The following ROBO2 variants were observed in gnomAD, a reference collection of about 807,000 sequenced individuals.
The protein encoded by ROBO2 is roundabout guidance receptor 2, also known as roundabout homolog 2.
ROBO2 carries 53 observed loss-of-function variants against 160.8 expected under a neutral mutation model. The ratio of observed to expected loss-of-function variants is 0.33; its 90% CI spans 0.26 to 0.41. The LOEUF (loss-of-function observed/expected upper bound fraction) is 0.41. ROBO2 is among the 10% of genes least tolerant of loss of function. ROBO2 has a pLI of 1.00. For missense variants in ROBO2, 1,577 were observed against 1,722.4 expected (o/e 0.92, Z 1.49); for synonymous variants, 664 against 611.7 (o/e 1.09, Z -1.26).
chr3:77,425,565 G>A (rs2078113857), intron 2 of ROBO2, among the ~76,000 whole-genome samples: 1 of 152,088 alleles, frequency 6.6e-6, no homozygotes, highest in Non-Finnish European at 1.5e-5. Context: ...GAGAGGAACT[G>A]GGAAGGAGTG....
chr3:77,456,060 T>C (rs2081605093), intron 2 of ROBO2, among the ~76,000 whole-genome samples: 1 of 152,218 alleles, frequency 6.6e-6, no homozygotes, highest in South Asian at 2.1e-4. Flanking sequence ...TTGTCAGTGC[T>C]CATATGTAAC....
intron 2 of ROBO2, among the ~76,000 whole-genome samples, chr3:75,941,846 T>C (rs1484019422): frequency 5.3e-5 from 8 of 152,166 alleles, no homozygotes; most frequent in Non-Finnish European, 7.4e-5. Flanking sequence ...CCTGGAATCA[T>C]TACAAGTAAT....
intron 21 of ROBO2, among the ~76,000 whole-genome samples, chr3:77,615,530 A>G (rs1366559225): frequency 6.6e-6 from 1 of 152,178 alleles, no homozygotes. Context: ...GAAACTACTC[A>G]TCTTTTTCCT....
chr3:77,517,637 C>T (rs1419007815), intron 5 of ROBO2, among the ~76,000 whole-genome samples: 1 of 151,450 alleles, frequency 6.6e-6, no homozygotes, highest in Admixed American at 6.6e-5. Context: ...TTTGTACTTT[C>T]TCTTTGTGGC....
intron 1 of ROBO2, among the ~76,000 whole-genome samples, chr3:77,070,371 A>C (rs1027255523): frequency 6.6e-6 from 1 of 152,028 alleles, no homozygotes. Context: ...GTATAACTCT[A>C]TCTCCATCTT....
chr3:77,235,853 A>G (rs965935781), intron 2 of ROBO2, among the ~76,000 whole-genome samples: 1 of 152,226 alleles, frequency 6.6e-6, no homozygotes, highest in African/African-American at 2.4e-5. Flanking sequence ...CTAGACATAC[A>G]TAGGCCCCCT....
chr3:77,309,020 G>A (rs1344910448), intron 2 of ROBO2, among the ~76,000 whole-genome samples: 1 of 150,778 alleles, frequency 6.6e-6, no homozygotes, highest in East Asian at 2.0e-4. Context: ...ACTAATGATG[G>A]GCATAGGTAC....
intron 2 of ROBO2, among the ~76,000 whole-genome samples, chr3:76,927,621 A>C (rs2149032475): frequency 6.6e-6 from 1 of 152,338 alleles, no homozygotes; most frequent in African/African-American, 2.4e-5. Flanking sequence ...AAACCTTTTC[A>C]ACTTGGCCAA....
chr3:76,950,485 G>A (rs2078891258), intron 2 of ROBO2, among the ~76,000 whole-genome samples: 1 of 151,994 alleles, frequency 6.6e-6, no homozygotes, highest in Admixed American at 6.6e-5. Context: ...CTTATTTCCA[G>A]TCAATTATAT....
intron 2 of ROBO2, among the ~76,000 whole-genome samples, chr3:76,749,874 A>G (rs1478319650): frequency 1.3e-5 from 2 of 152,116 alleles, no homozygotes; most frequent in Non-Finnish European, 2.9e-5. Context: ...AGGTGCAAAG[A>G]GGAGCTGGTA....
At chr3:77,263,511 T>C (rs2058914043) in intron 2 of ROBO2, among the ~76,000 whole-genome samples, 1 of 152,154 alleles carries the variant, frequency 6.6e-6, no homozygotes, top group Non-Finnish European at 1.5e-5. Context: ...TGGTATTTGG[T>C]TTTCTGTTCC....
chr3:76,599,637 A>T (rs1428232987), intron 2 of ROBO2, among the ~76,000 whole-genome samples: 1 of 152,176 alleles, frequency 6.6e-6, no homozygotes, highest in East Asian at 1.9e-4. Flanking sequence ...TGTCTTCCAC[A>T]ATGGTTGAAC....
chr3:76,254,719 C>T (rs1356053376), intron 2 of ROBO2, among the ~76,000 whole-genome samples: 1 of 143,762 alleles, frequency 7.0e-6, no homozygotes, highest in Non-Finnish European at 1.6e-5. Flanking sequence ...ATTTTATAGA[C>T]CTAAATACTC....
At chr3:76,118,711 A>T (rs1016354516) in intron 2 of ROBO2, among the ~76,000 whole-genome samples, 2 of 152,196 alleles carry the variant, frequency 1.3e-5, no homozygotes, top group Non-Finnish European at 2.9e-5. Flanking sequence ...ACTTTTCCAC[A>T]TATAGACTGT....
chr3:76,891,367 T>G (rs1165890130), intron 2 of ROBO2, among the ~76,000 whole-genome samples: 1 of 152,174 alleles, frequency 6.6e-6, no homozygotes, highest in African/African-American at 2.4e-5. Context: ...TTAAAATTAT[T>G]ATTTTTGATT....
intron 2 of ROBO2, among the ~76,000 whole-genome samples, chr3:76,760,316 A>G (rs1196533452): frequency 1.3e-5 from 2 of 151,754 alleles, no homozygotes; most frequent in Non-Finnish European, 2.9e-5. Flanking sequence ...TCCTATTGTA[A>G]AATAGTTTCT....
intron 2 of ROBO2, among the ~76,000 whole-genome samples, chr3:76,064,371 C>T (rs1207592220): frequency 6.6e-6 from 1 of 152,110 alleles, no homozygotes. Context: ...TCTGGCCTCT[C>T]CCATTATAGA....
intron 2 of ROBO2, among the ~76,000 whole-genome samples, chr3:76,489,133 T>G (rs2079667322): frequency 7.1e-6 from 1 of 140,406 alleles, no homozygotes; most frequent in Non-Finnish European, 1.5e-5. Context: ...ATTAGAACAC[T>G]GGTACTGACT....
intron 1 of ROBO2, among the ~76,000 whole-genome samples, chr3:77,066,993 C>T (rs2149806913): frequency 6.7e-6 from 1 of 149,680 alleles, no homozygotes; most frequent in African/African-American, 2.5e-5. Context: ...CCCTGCAACA[C>T]ACACATACAC....
Sources: allele counts gnomAD v4.1 joint callset (sites outside exome capture counted in the v4.1 genomes callset), GRCh38; gene constraint gnomAD v4.1.1; transcripts MANE v1.5; gene names NCBI Gene and HGNC (gene_info 2026-07-23, HGNC 2026-07-21).